Variants in SYNDIG1 observed in about 807,000 individuals in gnomAD.
SYNDIG1 encodes synapse differentiation-inducing gene protein 1.
Under a neutral mutation model 19.4 loss-of-function variants are expected in SYNDIG1, and 9 were observed. That is an observed-to-expected ratio of 0.46 (90% CI 0.28 to 0.81). SYNDIG1 has a LOEUF of 0.81. SYNDIG1 is among the 30% of genes least tolerant of loss of function. The pLI is 0.12. For synonymous variants in SYNDIG1, 141 were observed against 145.9 expected (o/e 0.97, Z 0.24); for missense variants, 311 against 343.3 (o/e 0.91, Z 0.74).
chr20:24,619,142 T>C (rs939439083), intron 3 of SYNDIG1, among the ~76,000 whole-genome samples: 1 of 152,352 alleles, frequency 6.6e-6, no homozygotes, highest in Admixed American at 6.5e-5. Flanking sequence ...CTCATTGTTT[T>C]AAATGCTGGA....
At chr20:24,581,358 G>A (rs989884182) in intron 2 of SYNDIG1, among the ~76,000 whole-genome samples, 9 of 152,056 alleles carry the variant, frequency 5.9e-5, no homozygotes, top group South Asian at 2.1e-4. Context: ...ACAGACAGGC[G>A]GATTTTTTGT....
chr20:24,592,990 G>A (rs2058537395), intron 3 of SYNDIG1, among the ~76,000 whole-genome samples: 1 of 152,150 alleles, frequency 6.6e-6, no homozygotes. Context: ...TCTGAAAGTA[G>A]GGAGAAATCA....
At chr20:24,534,364 T>C (rs2057320793) in intron 1 of SYNDIG1, among the ~76,000 whole-genome samples, 1 of 152,164 alleles carries the variant, frequency 6.6e-6, no homozygotes. Flanking sequence ...AGATCCCACC[T>C]GGACTCCTGA....
At chr20:24,534,289 C>G (rs1257531991) in intron 1 of SYNDIG1, among the ~76,000 whole-genome samples, 1 of 152,178 alleles carries the variant, frequency 6.6e-6, no homozygotes, top group Non-Finnish European at 1.5e-5. Context: ...AGCAGGGGGC[C>G]CCCTCCTCAC....
intron 3 of SYNDIG1, among the ~76,000 whole-genome samples, chr20:24,631,274 C>T (rs1296113501): frequency 1.3e-5 from 2 of 152,218 alleles, no homozygotes; most frequent in African/African-American, 4.8e-5. Flanking sequence ...CTGGCATCTT[C>T]CCTGCTGTAG....
chr20:24,485,881 T>A (rs1487236801), intron 1 of SYNDIG1, among the ~76,000 whole-genome samples: 1 of 152,106 alleles, frequency 6.6e-6, no homozygotes, highest in African/African-American at 2.4e-5. Flanking sequence ...CGATATCACA[T>A]CTGAGGTCAA....
At chr20:24,553,339 A>C (rs1234696457) in intron 2 of SYNDIG1, among the ~76,000 whole-genome samples, 49 of 152,028 alleles carry the variant, frequency 3.2e-4, no homozygotes, top group African/African-American at 9.6e-4. Flanking sequence ...TCAATTTTGG[A>C]TTTTGTTGCC....
At chr20:24,650,658 C>T (rs1473451415) in intron 3 of SYNDIG1, among the ~76,000 whole-genome samples, 2 of 152,220 alleles carry the variant, frequency 1.3e-5, no homozygotes, top group Non-Finnish European at 2.9e-5. Flanking sequence ...GCTAGGACAG[C>T]GTTCCAGCGT....
chr20:24,557,698 G>A (rs1048412118), intron 2 of SYNDIG1, among the ~76,000 whole-genome samples: 1 of 152,160 alleles, frequency 6.6e-6, no homozygotes, highest in Non-Finnish European at 1.5e-5. Flanking sequence ...GGCCATGTGA[G>A]GTGTCAGTCT....
intron 3 of SYNDIG1, among the ~76,000 whole-genome samples, chr20:24,650,278 A>G (rs931698136): frequency 1.3e-5 from 2 of 152,264 alleles, no homozygotes; most frequent in African/African-American, 4.8e-5. Context: ...CAGCGTTTGT[A>G]CAAATGCTGT....
At chr20:24,517,715 T>C (rs1450779311) in intron 1 of SYNDIG1, among the ~76,000 whole-genome samples, 1 of 146,660 alleles carries the variant, frequency 6.8e-6, no homozygotes, top group African/African-American at 2.5e-5. Flanking sequence ...TGTGTATATA[T>C]ATGTGTATGT....
intron 2 of SYNDIG1, among the ~76,000 whole-genome samples, chr20:24,576,394 T>A (rs777247374): frequency 2.0e-5 from 3 of 152,258 alleles, no homozygotes; most frequent in African/African-American, 7.2e-5. Context: ...TTTCTTATGA[T>A]GGTTCCGAGC....
chr20:24,506,412 C>A (rs967770592), intron 1 of SYNDIG1, among the ~76,000 whole-genome samples: 2 of 152,218 alleles, frequency 1.3e-5, no homozygotes, highest in Non-Finnish European at 2.9e-5. Flanking sequence ...GACAGAAATT[C>A]CCCCAAGCGC....
chr20:24,620,065 T>C (rs768539153), intron 3 of SYNDIG1, among the ~76,000 whole-genome samples: 12 of 152,212 alleles, frequency 7.9e-5, no homozygotes, highest in Non-Finnish European at 1.6e-4. Flanking sequence ...TCAGGACAAC[T>C]TTGTGTCAGT....
chr20:24,508,525 A>T (rs888653707), intron 1 of SYNDIG1, among the ~76,000 whole-genome samples: 1 of 152,168 alleles, frequency 6.6e-6, no homozygotes, highest in Admixed American at 6.5e-5. Flanking sequence ...GCCCAGGAGG[A>T]TAATATTTAA....
intron 1 of SYNDIG1, among the ~76,000 whole-genome samples, chr20:24,539,255 T>A (rs569640144): frequency 7.9e-5 from 12 of 152,222 alleles, no homozygotes; most frequent in Non-Finnish European, 1.2e-4. Flanking sequence ...ATTGATTTAT[T>A]TGGGATTGGT....
intron 1 of SYNDIG1, among the ~76,000 whole-genome samples, chr20:24,473,288 C>G (rs56065636): frequency 6.6e-6 from 1 of 152,100 alleles, no homozygotes; most frequent in Admixed American, 6.5e-5. Context: ...GTTTTTGGAG[C>G]CTTAGCTCTT....
In SYNDIG1 at chr20:24,543,316, G is replaced by T; in HGVS notation, c.219G>T (p.Leu73=). Residue 73 remains leucine, a synonymous_variant, in exon 2 of 4, where the codon CTG becomes CTT. Transcript: ENST00000376862. ...DSSRSEPMQQ[L]LDPNTLQQSV... ...GCAGGAGTGAGCCGATGCAGCAGCT[G>T]CTGGACCCCAACACCCTGCAGCAGT... The T allele has an allele frequency of 6.2e-7, 1 of 1,613,546 alleles. No individual in the cohort carries two copies. The highest frequency in any genetic ancestry group is 1.3e-5 in the African/African-American group (1 of 75,056).
intron 3 of SYNDIG1, among the ~76,000 whole-genome samples, chr20:24,602,028 C>T (rs1057256867): frequency 6.6e-6 from 1 of 151,312 alleles, no homozygotes; most frequent in Non-Finnish European, 1.5e-5. Flanking sequence ...TCCCATGTGT[C>T]TTCTTTTTCA....
Sources: gnomAD v4.1 joint callset for allele counts (sites outside exome capture counted in the v4.1 genomes callset) on GRCh38, gnomAD v4.1.1 for gene constraint, MANE v1.5 for transcripts, NCBI Gene and HGNC (gene_info 2026-07-23, HGNC 2026-07-21) for gene names.